The following RFX6 variants were observed in gnomAD, a reference collection of about 807,000 sequenced individuals.
RFX6 encodes the protein regulatory factor X6.
In RFX6, 50 loss-of-function variants were observed where a neutral mutation model predicts 110.8. The ratio of observed to expected loss-of-function variants is 0.45; its 90% confidence interval spans 0.36 to 0.57. RFX6 has a LOEUF of 0.57. RFX6 is among the 20% of genes least tolerant of loss of function. RFX6 has a pLI of 0.00. For synonymous variants in RFX6, 383 were observed against 411.2 expected, an observed-to-expected ratio of 0.93 and a Z score of 0.83; for missense variants, 990 against 1,127.0, an observed-to-expected ratio of 0.88 and a Z score of 1.74.
At chr6:116,882,257 C>G (rs1444999569) in intron 3 of RFX6, 110 bp from the exon 4 acceptor site, 7 of 772,572 alleles carry the variant, frequency 9.1e-6, no homozygotes, top group Admixed American at 5.7e-5. Flanking sequence ...AGTATTCACT[C>G]ACAGTTCATT....
At chr6:116,899,053 G>C (rs1190237832) in intron 6 of RFX6, among the ~76,000 whole-genome samples, 12 of 152,148 alleles carry the variant, frequency 7.9e-5, no homozygotes, top group Non-Finnish European at 1.0e-4. Flanking sequence ...TGAGATGGTA[G>C]CAACAGTCTT....
intron 14 of RFX6, 161 bp downstream of exon 14, chr6:116,923,385 G>A (rs1266579226): frequency 1.6e-6 from 1 of 633,506 alleles, no homozygotes; most frequent in Non-Finnish European, 2.9e-6. Flanking sequence ...GGGTTTTGGA[G>A]TCAGACCATA....
At position 116,922,023 on chromosome 6, in the gene RFX6, T is replaced by C. The variant is rs774836679; in HGVS notation, c.1328-19T>C. 4 of 1,101,652 alleles carry C rather than the reference T, an allele frequency of 3.6e-6. No individual in the cohort carries two copies. The highest frequency in any genetic ancestry group is 5.5e-6 in the Non-Finnish European group (4 of 727,878). The allele number at this position is 1,101,652 out of a possible 1,614,324, so 68.2% of individuals were successfully genotyped here. A position where few individuals can be genotyped will look rare whatever the true frequency, so the allele number is the denominator to read the frequency against. ...TATTCTGTTTTCTTTTCTTTCTTTT[T>C]TTTTTTTTTCCTGGGTAGATGACTC... is the stretch of plus-strand genomic sequence containing the variant. On this transcript the variant is annotated intron_variant, in intron 12 of 18. Coordinates refer to ENST00000332958, the MANE Select transcript of RFX6 (RefSeq NM_173560.4).
At chr6:116,885,545 T>C (rs1034628299) in intron 4 of RFX6, among the ~76,000 whole-genome samples, 1 of 152,208 alleles carries the variant, frequency 6.6e-6, no homozygotes, top group South Asian at 2.1e-4. Flanking sequence ...CAAGGCCACA[T>C]AGATAATACA....
At chr6:116,916,540 A>G (rs1177324744) in intron 9 of RFX6, among the ~76,000 whole-genome samples, 1 of 152,134 alleles carries the variant, frequency 6.6e-6, no homozygotes, top group Non-Finnish European at 1.5e-5. Flanking sequence ...TTTTACAGCT[A>G]ATAATGAGTC....
At chr6:116,895,943 T>C (rs1463926977) in intron 6 of RFX6, among the ~76,000 whole-genome samples, 2 of 152,180 alleles carry the variant, frequency 1.3e-5, no homozygotes, top group African/African-American at 4.8e-5. Context: ...TAAGAAATAA[T>C]ATAAGGCCCC....
Position 116,878,144 on chromosome 6 carries a change from G to A in RFX6, c.380+192G>A, listed in dbSNP as rs79163539. 3.9e-3 allele frequency among the ~76,000 whole-genome samples: 592 copies of A among 152,280 alleles called. 5 individuals are homozygous for A. The highest frequency in any genetic ancestry group is 0.024 in the Middle Eastern group (7 of 294). ...AGAGACTTATACAAGTACTGGTGAA[G>A]GATTTGCAATACAAATGAAAACCAC... is the stretch of plus-strand genomic sequence containing the variant. On this transcript the variant is annotated intron_variant, in intron 2 of 18. Coordinates refer to ENST00000332958, the MANE Select transcript of RFX6 (RefSeq NM_173560.4).
At chr6:116,911,130 G>A (rs1775340815) in intron 7 of RFX6, 88 bp downstream of exon 7, 1 of 931,784 alleles carries the variant, frequency 1.1e-6, no homozygotes, top group African/African-American at 1.6e-5. Flanking sequence ...ACTGCAGGAA[G>A]CAATCAGAAA....
intron 6 of RFX6, among the ~76,000 whole-genome samples, chr6:116,895,423 A>T (rs1255868130): frequency 6.6e-6 from 1 of 152,132 alleles, no homozygotes; most frequent in African/African-American, 2.4e-5. Context: ...CCTAGGAGAG[A>T]TACATTTTTA....
chr6:116,924,241 C>CT (rs1487374147), intron 14 of RFX6, among the ~76,000 whole-genome samples: 1 of 152,078 alleles, frequency 6.6e-6, no homozygotes, highest in Non-Finnish European at 1.5e-5. Flanking sequence ...CTTTACTTGA[C>CT]TTTTTTCAGA....
intron 9 of RFX6, among the ~76,000 whole-genome samples, 162 bp from the exon 10 acceptor site, chr6:116,917,875 C>A (rs1265820342): frequency 6.6e-6 from 1 of 152,078 alleles, no homozygotes; most frequent in Non-Finnish European, 1.5e-5. Flanking sequence ...TCACACACAA[C>A]TCATACATAC....
At chr6:116,917,840 C>A (rs1775501153) in intron 9 of RFX6, among the ~76,000 whole-genome samples, 197 bp from the exon 10 acceptor site, 1 of 152,012 alleles carries the variant, frequency 6.6e-6, no homozygotes, top group African/African-American at 2.4e-5. Flanking sequence ...ACAGTGCTAT[C>A]TCTTGTTTTT....
intron 4 of RFX6, among the ~76,000 whole-genome samples, chr6:116,888,264 G>C (rs146783169): frequency 6.6e-6 from 1 of 152,214 alleles, no homozygotes; most frequent in Non-Finnish European, 1.5e-5. Flanking sequence ...AGCAAATGAA[G>C]AAAAGTATTA....
Position 116,922,162 on chromosome 6 carries a change from A to G in RFX6, c.1437+11A>G. On this transcript the variant is annotated intron_variant, in intron 13 of 18. Transcript: ENST00000332958. ...CAGAGAGTTATTAAGGTACTTTTTA[A>G]TGACAGATTCAGAAAATAAGTTCCT... is the stretch of plus-strand genomic sequence containing the variant. 2 of 1,173,442 alleles carry G rather than the reference A, an allele frequency of 1.7e-6. No homozygotes were observed. Among genetic ancestry groups the G allele is most frequent in the Non-Finnish European group, 2.6e-6 (2 of 778,786 alleles). 72.7% of individuals were successfully genotyped at this position (1,173,442 alleles called of 1,614,324 possible).
intron 17 of RFX6, among the ~76,000 whole-genome samples, chr6:116,928,429 G>C (rs1390752287): frequency 2.0e-5 from 3 of 152,080 alleles, no homozygotes; most frequent in Non-Finnish European, 4.4e-5. Flanking sequence ...GGTAGATCTT[G>C]TTAATTTAGA....
At chr6:116,907,997 G>T (rs1477542928) in intron 6 of RFX6, among the ~76,000 whole-genome samples, 6 of 152,002 alleles carry the variant, frequency 3.9e-5, no homozygotes, top group African/African-American at 1.2e-4. Flanking sequence ...TCAAAATTTT[G>T]TTAATGTATA....
intron 6 of RFX6, among the ~76,000 whole-genome samples, chr6:116,898,407 G>T (rs1774996063): frequency 6.6e-6 from 1 of 152,072 alleles, no homozygotes; most frequent in Non-Finnish European, 1.5e-5. Context: ...TTGACTCACT[G>T]CAGCCTCAAC....
chr6:116,915,910 C>T (rs965531758), intron 7 of RFX6, 98 bp from the exon 8 acceptor site: 70 of 867,568 alleles, frequency 8.1e-5, no homozygotes, highest in Non-Finnish European at 1.1e-4. Flanking sequence ...CTGCTTGGTA[C>T]GTAATAGGAT....
At chr6:116,908,724 TGAGA>T (rs1271256543) in intron 6 of RFX6, among the ~76,000 whole-genome samples, 6 of 142,588 alleles carry the variant, frequency 4.2e-5, no homozygotes, top group Non-Finnish European at 6.2e-5. Context: ...ACAGAGGGAT[TGAGA>T]GAGAGAGAGG....
Sources: gnomAD v4.1 joint callset for allele counts (sites outside exome capture counted in the v4.1 genomes callset) on GRCh38, gnomAD v4.1.1 for gene constraint, MANE v1.5 for transcripts, NCBI Gene and HGNC (gene_info 2026-07-23, HGNC 2026-07-21) for gene names.